Variants in TPST2 observed in about 807,000 individuals in gnomAD.
TPST2 encodes protein-tyrosine sulfotransferase 2.
A neutral mutation model predicts 27.8 loss-of-function variants in TPST2; 16 were observed. The observed-to-expected ratio is 0.58, with a 90% CI of 0.39 to 0.88. TPST2 has a LOEUF of 0.88. Among genes scored for constraint, TPST2 ranks in the 40% least tolerant of loss-of-function variants. The pLI is 0.00. For synonymous variants in TPST2, 229 were observed against 231.7 expected, an observed-to-expected ratio of 0.99 and a Z score of 0.10; for missense variants, 464 against 543.1, an observed-to-expected ratio of 0.85 and a Z score of 1.45.
chr22:26,552,372 C>T (rs1330707304), intron 1 of TPST2, among the ~76,000 whole-genome samples: 3 of 152,066 alleles, frequency 2.0e-5, no homozygotes, highest in Non-Finnish European at 2.9e-5. Flanking sequence ...GGAGGGTGGG[C>T]GCTATTATTA....
intron 2 of TPST2, among the ~76,000 whole-genome samples, chr22:26,542,651 G>A (rs1003475166): frequency 1.3e-4 from 20 of 152,194 alleles, no homozygotes; most frequent in Non-Finnish European, 4.4e-5. Context: ...CCTCCTGCAG[G>A]AGGTAGCCTT....
chr22:26,545,210 C>A (rs150413679), intron 1 of TPST2, among the ~76,000 whole-genome samples: 1 of 152,158 alleles, frequency 6.6e-6, no homozygotes, highest in African/African-American at 2.4e-5. Flanking sequence ...ATGCTGACCA[C>A]GCAAATACCT....
At chr22:26,548,369 A>G (rs1926242544) in intron 1 of TPST2, among the ~76,000 whole-genome samples, 1 of 140,636 alleles carries the variant, frequency 7.1e-6, no homozygotes, top group Admixed American at 7.5e-5. Context: ...GGGGGAGGGG[A>G]AGGGGGAGGA....
chr22:26,578,668 T>C (rs1927959714), intron 1 of TPST2, among the ~76,000 whole-genome samples: 1 of 152,036 alleles, frequency 6.6e-6, no homozygotes, highest in Non-Finnish European at 1.5e-5. Flanking sequence ...CAACAACCGC[T>C]GAGGGATGTC....
intron 5 of TPST2, among the ~76,000 whole-genome samples, chr22:26,529,818 C>G (rs1008813214): frequency 6.6e-6 from 1 of 151,968 alleles, no homozygotes; most frequent in African/African-American, 2.4e-5. Flanking sequence ...CCAGCTAAGG[C>G]TTTCTCTTTT....
intron 5 of TPST2, among the ~76,000 whole-genome samples, chr22:26,530,417 T>C (rs959075223): frequency 1.3e-5 from 2 of 152,204 alleles, no homozygotes; most frequent in Admixed American, 1.3e-4. Context: ...ACTGACTGCT[T>C]ACCTAAGAAT....
intron 1 of TPST2, among the ~76,000 whole-genome samples, chr22:26,559,120 A>G (rs915514652): frequency 1.3e-5 from 2 of 152,268 alleles, no homozygotes; most frequent in Admixed American, 1.3e-4. Context: ...TAATCCCAAC[A>G]CTACGGGAGG....
intron 1 of TPST2, among the ~76,000 whole-genome samples, chr22:26,582,564 T>C (rs1159848037): frequency 6.6e-6 from 1 of 152,128 alleles, no homozygotes. Flanking sequence ...GTCAGAGATG[T>C]GGGTTACTTT....
At chr22:26,569,653 A>G (rs1927521697) in intron 1 of TPST2, among the ~76,000 whole-genome samples, 1 of 151,724 alleles carries the variant, frequency 6.6e-6, no homozygotes, top group African/African-American at 2.4e-5. Flanking sequence ...TCTCCTAAAA[A>G]AAAAGAAAAT....
chr22:26,577,406 A>G (rs915086864), intron 1 of TPST2, among the ~76,000 whole-genome samples: 5 of 150,878 alleles, frequency 3.3e-5, no homozygotes, highest in African/African-American at 1.2e-4. Context: ...GTGTAGTGGC[A>G]CTATCTTGGC....
chr22:26,555,984 T>C (rs946546961), intron 1 of TPST2, among the ~76,000 whole-genome samples: 6 of 152,330 alleles, frequency 3.9e-5, no homozygotes, highest in African/African-American at 1.2e-4. Context: ...TTTTGTGCCA[T>C]GGATCTCTTC....
At chr22:26,529,757 G>C (rs952924488) in intron 5 of TPST2, among the ~76,000 whole-genome samples, 2 of 152,090 alleles carry the variant, frequency 1.3e-5, no homozygotes, top group Non-Finnish European at 2.9e-5. Flanking sequence ...GTCTCACTCT[G>C]CCACCCAGGC....
chr22:26,578,731 T>G (rs1250346110), intron 1 of TPST2, among the ~76,000 whole-genome samples: 2 of 152,132 alleles, frequency 1.3e-5, no homozygotes, highest in African/African-American at 4.8e-5. Flanking sequence ...TTCTGAGGCA[T>G]GGAAGACCCA....
chr22:26,575,293 G>T (rs1001248656), intron 1 of TPST2, among the ~76,000 whole-genome samples: 1 of 152,112 alleles, frequency 6.6e-6, no homozygotes, highest in Non-Finnish European at 1.5e-5. Flanking sequence ...CTTTGACACC[G>T]AATGCCTTCT....
In TPST2 at chr22:26,524,693, G is replaced by A. The variant is rs756396456; in HGVS notation, c.*1582C>T. On this transcript the variant is annotated 3_prime_UTR_variant, in exon 7 of 7. Coordinates refer to ENST00000338754, the MANE Select transcript of TPST2 (RefSeq NM_003595.5). ...ATGAGATATAAGGCAAGGAGGTATG[G>A]GTAAAACACCTTAACCCTTAAAGAT... is the stretch of plus-strand genomic sequence containing the variant. The A allele has an allele frequency of 7.2e-5, 11 of 152,152 alleles. No individual in the cohort carries two copies. The highest frequency in any genetic ancestry group is 2.6e-4 in the Admixed American group (4 of 15,280). 9.4% of individuals were successfully genotyped at this position (152,152 alleles called of 1,614,324 possible). A position where few individuals can be genotyped will look rare whatever the true frequency, so the allele number is the denominator to read the frequency against.
At chr22:26,544,709 G>C (rs1926027547) in intron 1 of TPST2, 34 bp from the exon 2 acceptor site, 1 of 982,714 alleles carries the variant, frequency 1.0e-6, no homozygotes, top group East Asian at 1.1e-4. Flanking sequence ...CATCAGGGAT[G>C]GGCACTGTGG....
chr22:26,540,737 C>T, intron 3 of TPST2, 52 bp downstream of exon 3: 1 of 1,492,288 alleles, frequency 6.7e-7, no homozygotes, highest in South Asian at 1.3e-5. Flanking sequence ...TTGCCTGGCG[C>T]CTCTGACTCC....
rs1478639166 is a variant in TPST2, at chr22:26,524,055, TAACAG to T, written c.*2215_*2219del. On this transcript the variant is annotated 3_prime_UTR_variant, in exon 7 of 7. Transcript: ENST00000338754. ...ATTCTCAAAGGGACAGTGTCACACT[TAACAG>T]AGCAAGGAGAGTAATCGGTGATTGG... 3 of 152,128 alleles carry T rather than the reference TAACAG, an allele frequency of 2.0e-5. No homozygotes were observed. The highest frequency in any genetic ancestry group is 7.2e-5 in the African/African-American group (3 of 41,408). The allele number at this position is 152,128 out of a possible 1,614,324, so 9.4% of individuals were successfully genotyped here.
chr22:26,546,585 C>T (rs5761588), intron 1 of TPST2, among the ~76,000 whole-genome samples: 89,429 of 152,184 alleles, frequency 0.59, 26,735 homozygotes, highest in Non-Finnish European at 0.62. Flanking sequence ...TGGAACAGGG[C>T]TGTCAGGGCT....
Sources: gnomAD v4.1 joint callset for allele counts (sites outside exome capture counted in the v4.1 genomes callset) on GRCh38, gnomAD v4.1.1 for gene constraint, MANE v1.5 for transcripts, NCBI Gene and HGNC (gene_info 2026-07-23, HGNC 2026-07-21) for gene names.